Variants in NRF1 observed in about 807,000 individuals in gnomAD.
The protein encoded by NRF1 is nuclear respiratory factor 1, also known as alpha palindromic-binding protein.
Under a neutral mutation model 58.5 loss-of-function variants are expected in NRF1, and 5 were observed. The observed-to-expected ratio is 0.09, with a 90% CI of 0.04 to 0.18. The LOEUF (loss-of-function observed/expected upper bound fraction) is 0.18. Ranked by LOEUF, NRF1 falls within the 10% of genes least tolerant of loss-of-function variation. The pLI is 1.00. For missense variants in NRF1, 288 were observed against 657.7 expected (o/e 0.44, Z 6.15); for synonymous variants, 224 against 246.7 (o/e 0.91, Z 0.86).
chr7:129,742,289 AAAAC>A (rs1007189964), intron 10 of NRF1, among the ~76,000 whole-genome samples: 2 of 151,514 alleles, frequency 1.3e-5, no homozygotes, highest in Non-Finnish European at 2.9e-5. Flanking sequence ...AAAAAAAAAA[AAAAC>A]AAAAAACTTT....
intron 1 of NRF1, chr7:129,633,798 G>GTGTGTGTA (rs1801103342): frequency 6.6e-6 from 1 of 151,546 alleles, no homozygotes; most frequent in Admixed American, 6.6e-5. Flanking sequence ...ATGTGTGTGT[G>GTGTGTGTA]TGTGTATGTG....
At chr7:129,667,667 A>C (rs1018901078) in intron 2 of NRF1, among the ~76,000 whole-genome samples, 1 of 151,772 alleles carries the variant, frequency 6.6e-6, no homozygotes, top group African/African-American at 2.4e-5. Context: ...AATTCTTCTT[A>C]ACTCTGACTT....
At chr7:129,717,507 T>G in intron 9 of NRF1, 131 bp downstream of exon 9, 2 of 980,980 alleles carry the variant, frequency 2.0e-6, no homozygotes, top group South Asian at 3.9e-5. Context: ...TCTTGGCCCA[T>G]ACGATATTGT....
intron 10 of NRF1, among the ~76,000 whole-genome samples, chr7:129,751,213 C>T (rs1021014231): frequency 2.0e-5 from 3 of 152,166 alleles, no homozygotes; most frequent in South Asian, 2.1e-4. Flanking sequence ...ATCTGGCTGG[C>T]GTGTGAAGTG....
chr7:129,751,840 C>T (rs1042685701), intron 10 of NRF1, among the ~76,000 whole-genome samples: 1 of 152,194 alleles, frequency 6.6e-6, no homozygotes, highest in Non-Finnish European at 1.5e-5. Context: ...TGGGTGATTT[C>T]GTTAACTTTG....
chr7:129,625,389 A>G (rs1800890534), intron 1 of NRF1, among the ~76,000 whole-genome samples: 1 of 152,226 alleles, frequency 6.6e-6, no homozygotes, highest in African/African-American at 2.4e-5. Context: ...AACCCACTAT[A>G]GGAGCTCTGG....
intron 2 of NRF1, among the ~76,000 whole-genome samples, chr7:129,661,160 G>C (rs1161054864): frequency 6.6e-6 from 1 of 151,290 alleles, no homozygotes; most frequent in Non-Finnish European, 1.5e-5. Flanking sequence ...AGGGCACCAA[G>C]CCCCTAGGCT....
chr7:129,634,856 T>C (rs1415713485), intron 1 of NRF1, among the ~76,000 whole-genome samples: 2 of 152,260 alleles, frequency 1.3e-5, no homozygotes, highest in African/African-American at 4.8e-5. Context: ...GATGGACTGC[T>C]TGCCCTGTGA....
intron 2 of NRF1, among the ~76,000 whole-genome samples, chr7:129,662,698 C>T (rs541814225): frequency 1.3e-5 from 2 of 152,060 alleles, no homozygotes; most frequent in East Asian, 1.9e-4. Flanking sequence ...GCGAGATGCC[C>T]GAGGGCACTA....
chr7:129,639,970 C>G (rs779193734), intron 1 of NRF1, among the ~76,000 whole-genome samples: 3 of 152,186 alleles, frequency 2.0e-5, no homozygotes, highest in African/African-American at 7.2e-5. Context: ...AACACTCTGG[C>G]GCTCACAGAA....
At chr7:129,613,922 AAAAAAC>A (rs1434203853) in intron 1 of NRF1, among the ~76,000 whole-genome samples, 3 of 152,222 alleles carry the variant, frequency 2.0e-5, no homozygotes, top group Admixed American at 6.5e-5. Context: ...ACTTCATCTA[AAAAAAC>A]AAAAACAAAA....
At chr7:129,729,728 T>G (rs997736933) in intron 10 of NRF1, among the ~76,000 whole-genome samples, 4 of 152,208 alleles carry the variant, frequency 2.6e-5, no homozygotes, top group Admixed American at 1.3e-4. Context: ...TGGAACCAGA[T>G]TTTTCCCTCT....
At chr7:129,671,159 AAAC>A (rs1367554737) in intron 2 of NRF1, among the ~76,000 whole-genome samples, 11 of 152,356 alleles carry the variant, frequency 7.2e-5, no homozygotes, top group African/African-American at 2.4e-4. Context: ...AGCCAAAGAA[AAAC>A]AACATTATAC....
At chr7:129,668,806 C>G (rs1801978137) in intron 2 of NRF1, among the ~76,000 whole-genome samples, 1 of 152,078 alleles carries the variant, frequency 6.6e-6, no homozygotes. Context: ...AGGCAAAACT[C>G]TAATGTATGG....
intron 10 of NRF1, among the ~76,000 whole-genome samples, chr7:129,746,727 G>A (rs560064742): frequency 1.3e-5 from 2 of 152,158 alleles, no homozygotes; most frequent in Non-Finnish European, 2.9e-5. Context: ...TTTCTTTGAT[G>A]TACATGGTTA....
At chr7:129,670,483 A>T (rs966617500) in intron 2 of NRF1, among the ~76,000 whole-genome samples, 1 of 152,216 alleles carries the variant, frequency 6.6e-6, no homozygotes, top group African/African-American at 2.4e-5. Flanking sequence ...GGCTGATTAT[A>T]TTACTAACAA....
intron 2 of NRF1, among the ~76,000 whole-genome samples, chr7:129,663,084 A>G (rs905730980): frequency 3.9e-5 from 6 of 152,272 alleles, no homozygotes; most frequent in African/African-American, 1.2e-4. Flanking sequence ...TAAGTTAAAG[A>G]TTAACAGCAT....
chr7:129,666,354 T>G (rs1243391186), intron 2 of NRF1, among the ~76,000 whole-genome samples: 1 of 152,222 alleles, frequency 6.6e-6, no homozygotes, highest in Non-Finnish European at 1.5e-5. Context: ...TCTGTATGAT[T>G]AAACAATATT....
At chr7:129,730,091 C>G (rs761003668) in intron 10 of NRF1, among the ~76,000 whole-genome samples, 1 of 152,176 alleles carries the variant, frequency 6.6e-6, no homozygotes, top group Non-Finnish European at 1.5e-5. Context: ...TCCCAAAGTA[C>G]TGGGAATACA....
Sources: allele counts gnomAD v4.1 joint callset (sites outside exome capture counted in the v4.1 genomes callset), GRCh38; gene constraint gnomAD v4.1.1; transcripts MANE v1.5; gene names NCBI Gene and HGNC (gene_info 2026-07-23, HGNC 2026-07-21).